AHI1: variants seen among roughly 807,000 people sequenced by gnomAD.
AHI1 encodes Abelson helper integration site 1.
AHI1 carries 123 observed loss-of-function variants against 149.3 expected under a neutral mutation model. The observed-to-expected ratio is 0.82, with a 90% confidence interval of 0.71 to 0.96. AHI1 has a LOEUF of 0.96. Among genes scored for constraint, AHI1 ranks in the 40% least tolerant of loss-of-function variants. The probability of loss-of-function intolerance (pLI) is 0.00; values close to 1 mark genes in which losing one functional copy is unlikely to be tolerated. For missense variants in AHI1, 1,439 were observed against 1,422.7 expected, an observed-to-expected ratio of 1.01 and a Z score of -0.18; for synonymous variants, 475 against 459.8, an observed-to-expected ratio of 1.03 and a Z score of -0.42.
rs564003062 is a variant in AHI1 at position 135,456,510 on chromosome 6, A to G, written c.1152-584T>C. Among the ~76,000 whole-genome samples, 20 of 151,214 alleles carry G rather than the reference A, an allele frequency of 1.3e-4. No homozygotes were observed. The South Asian group carries it at 4.2e-3, about 32-fold the overall frequency. On this transcript the variant is annotated intron_variant, in intron 9 of 28. Transcript: ENST00000265602. The stretch of plus-strand genomic sequence containing the variant: ...TAGTAAGCTGTGATTGCACCACTGC[A>G]CTCCAGCCAGTGAGACGCAGTGAGA...
At chr6:135,396,565 G>C (rs1420356497) in intron 22 of AHI1, among the ~76,000 whole-genome samples, 1 of 151,816 alleles carries the variant, frequency 6.6e-6, no homozygotes, top group African/African-American at 2.4e-5. Flanking sequence ...ATCACTAGAA[G>C]TAAGGGTAAT....
At chr6:135,352,030 T>A (rs1329504646) in intron 24 of AHI1, among the ~76,000 whole-genome samples, 1 of 152,232 alleles carries the variant, frequency 6.6e-6, no homozygotes, top group East Asian at 1.9e-4. Context: ...CAAGTCTTTT[T>A]ATAAGCATAC....
intron 23 of AHI1, among the ~76,000 whole-genome samples, chr6:135,363,740 C>T (rs1268756202): frequency 4.9e-5 from 7 of 142,006 alleles, no homozygotes; most frequent in South Asian, 4.5e-4. Context: ...CCTCACTTCC[C>T]GGACGGGGCA....
chr6:135,416,368 CTT>C (rs142283578), intron 20 of AHI1, among the ~76,000 whole-genome samples: 1 of 145,344 alleles, frequency 6.9e-6, no homozygotes, highest in Non-Finnish European at 1.5e-5. Flanking sequence ...TAGAAAGTGC[CTT>C]TTTTTTTTGC....
chr6:135,297,056 C>A (rs770062627), intron 27 of AHI1, among the ~76,000 whole-genome samples: 5 of 152,182 alleles, frequency 3.3e-5, no homozygotes, highest in Admixed American at 2.6e-4. Context: ...CTACTGACAC[C>A]TTCAAAGGCT....
intron 2 of AHI1, among the ~76,000 whole-genome samples, chr6:135,496,884 T>C (rs975568132): frequency 9.2e-5 from 14 of 152,366 alleles, no homozygotes; most frequent in African/African-American, 3.1e-4. Context: ...CTTTTGGTAT[T>C]TGAATTTCTT....
intron 24 of AHI1, among the ~76,000 whole-genome samples, chr6:135,329,958 A>C (rs1428504166): frequency 6.6e-6 from 1 of 152,236 alleles, no homozygotes; most frequent in East Asian, 1.9e-4. Flanking sequence ...TAGAATTAGA[A>C]GTGGAGCCTG....
intron 11 of AHI1, among the ~76,000 whole-genome samples, chr6:135,449,711 A>G (rs1034711210): frequency 9.2e-5 from 14 of 152,208 alleles, no homozygotes; most frequent in Admixed American, 8.5e-4. Flanking sequence ...GAGGCAAGAA[A>G]GGCTCTAAGA....
At chr6:135,423,207 G>A (rs1272875274) in intron 20 of AHI1, among the ~76,000 whole-genome samples, 3 of 152,142 alleles carry the variant, frequency 2.0e-5, no homozygotes, top group African/African-American at 4.8e-5. Context: ...CTTGATAAAT[G>A]TTAGCTACTA....
chr6:135,437,831 A>T (rs1343336790), intron 15 of AHI1, among the ~76,000 whole-genome samples: 1 of 152,252 alleles, frequency 6.6e-6, no homozygotes, highest in Non-Finnish European at 1.5e-5. Flanking sequence ...TGAAACTTTT[A>T]AAGTTAGCTT....
chr6:135,437,953 A>T lies in AHI1; in HGVS notation c.2036+422T>A, dbSNP rs560823920. 7.0e-4 allele frequency among the ~76,000 whole-genome samples: 106 copies of T among 152,336 alleles called. 1 individual carries two copies. The highest frequency in any genetic ancestry group is 2.4e-3 in the African/African-American group (100 of 41,576). On this transcript the variant is annotated intron_variant, in intron 15 of 28. Coordinates refer to ENST00000265602, the MANE Select transcript of AHI1 (RefSeq NM_001134831.2). Reference sequence around the variant, plus strand: ...CCAATCTATAAAACTGTTAAAATATAAGGTACATATTTGTTTCCTCTACTG... The same window carrying T: ...CCAATCTATAAAACTGTTAAAATATTAGGTACATATTTGTTTCCTCTACTG...
At chr6:135,350,983 A>C (rs566681113) in intron 24 of AHI1, among the ~76,000 whole-genome samples, 1 of 152,294 alleles carries the variant, frequency 6.6e-6, no homozygotes, top group Non-Finnish European at 1.5e-5. Flanking sequence ...CATGACTTAC[A>C]GAACTGATGA....
chr6:135,435,646 A>C (rs1785286043), intron 15 of AHI1, among the ~76,000 whole-genome samples: 3 of 152,310 alleles, frequency 2.0e-5, no homozygotes, highest in African/African-American at 7.2e-5. Context: ...GGAACTGGAA[A>C]ATTTTTCAAT....
chr6:135,405,257 A>T (rs1185834927), intron 21 of AHI1, among the ~76,000 whole-genome samples: 1 of 152,220 alleles, frequency 6.6e-6, no homozygotes, highest in Non-Finnish European at 1.5e-5. Flanking sequence ...TCAATAGAAT[A>T]AAATTCTATA....
chr6:135,485,383 T>G (rs1014420909), intron 5 of AHI1, among the ~76,000 whole-genome samples: 4 of 152,222 alleles, frequency 2.6e-5, no homozygotes, highest in African/African-American at 9.6e-5. Context: ...CCTTTTGTTT[T>G]AAATATTTAA....
chr6:135,391,857 G>A (rs955887434), intron 23 of AHI1, among the ~76,000 whole-genome samples: 1 of 152,182 alleles, frequency 6.6e-6, no homozygotes, highest in Non-Finnish European at 1.5e-5. Flanking sequence ...AATACAGCAT[G>A]GGCAAGTGGG....
chr6:135,402,525 G>A (rs935673216), intron 22 of AHI1, among the ~76,000 whole-genome samples: 3 of 152,034 alleles, frequency 2.0e-5, no homozygotes, highest in South Asian at 2.1e-4. Flanking sequence ...ACATGAGTTT[G>A]AACTGTGCAG....
At chr6:135,486,744 A>G (rs1794534256) in intron 5 of AHI1, among the ~76,000 whole-genome samples, 1 of 152,062 alleles carries the variant, frequency 6.6e-6, no homozygotes, top group Non-Finnish European at 1.5e-5. Flanking sequence ...TTGCAAGTAA[A>G]ATACCTGATA....
intron 5 of AHI1, among the ~76,000 whole-genome samples, chr6:135,487,206 T>C (rs1794604257): frequency 6.6e-6 from 1 of 152,206 alleles, no homozygotes; most frequent in African/African-American, 2.4e-5. Flanking sequence ...CACTTAATTT[T>C]TTTAACTCTG....
Sources: gnomAD v4.1 joint callset for allele counts (sites outside exome capture counted in the v4.1 genomes callset) on GRCh38, gnomAD v4.1.1 for gene constraint, MANE v1.5 for transcripts, NCBI Gene and HGNC (gene_info 2026-07-23, HGNC 2026-07-21) for gene names.